The following SMCHD1 variants were observed in gnomAD, a reference collection of about 807,000 sequenced individuals.
The protein encoded by SMCHD1 is structural maintenance of chromosomes flexible hinge domain containing 1, also known as structural maintenance of chromosomes flexible hinge domain-containing protein 1.
SMCHD1 carries 78 observed loss-of-function variants against 254.7 expected under a neutral mutation model. The ratio of observed to expected loss-of-function variants is 0.31; its 90% confidence interval spans 0.26 to 0.37. The LOEUF is 0.37. Ranked by LOEUF, SMCHD1 falls within the 10% of genes least tolerant of loss-of-function variation. SMCHD1 has a pLI of 1.00. For synonymous variants in SMCHD1, 766 were observed against 794.9 expected (o/e 0.96, Z 0.61); for missense variants, 1,840 against 2,408.1 (o/e 0.76, Z 4.94).
chr18:2,655,936 G>C lies in SMCHD1; in HGVS notation c.-140G>C, dbSNP rs1298905195. The C allele has an allele frequency of 1.8e-6, 1 of 571,344 alleles. No individual in the cohort carries two copies. The highest frequency in any genetic ancestry group is 9.1e-5 in the South Asian group (1 of 10,960). 35.4% of individuals were successfully genotyped at this position (571,344 alleles called of 1,614,324 possible). A position where few individuals can be genotyped will look rare whatever the true frequency, so the allele number is the denominator to read the frequency against. On this transcript the variant is annotated 5_prime_UTR_variant, in exon 1 of 48. Coordinates refer to ENST00000320876, the MANE Select transcript of SMCHD1 (RefSeq NM_015295.3). ...CGCCTGCCGCTGCTCGGCCGCCGCCGCTGACGAGGAGCTGCAGCGCGCCGG... is the reference window on the plus strand; with the variant it reads ...CGCCTGCCGCTGCTCGGCCGCCGCCCCTGACGAGGAGCTGCAGCGCGCCGG...
chr18:2,714,871 T>C (rs1226809716), intron 17 of SMCHD1, among the ~76,000 whole-genome samples: 2 of 152,078 alleles, frequency 1.3e-5, no homozygotes, highest in African/African-American at 2.4e-5. Flanking sequence ...CCCAGCACTT[T>C]GAAAACAGAA....
chr18:2,783,849 G>A (rs2076197377), intron 44 of SMCHD1, among the ~76,000 whole-genome samples: 1 of 152,130 alleles, frequency 6.6e-6, no homozygotes, highest in African/African-American at 2.4e-5. Flanking sequence ...GGGATTACAG[G>A]TGTGAGCCAC....
At chr18:2,710,905 C>G (rs1242253271) in intron 17 of SMCHD1, among the ~76,000 whole-genome samples, 1 of 150,650 alleles carries the variant, frequency 6.6e-6, no homozygotes, top group East Asian at 2.0e-4. Flanking sequence ...AATGTTTTCT[C>G]TGCATCAGTC....
intron 45 of SMCHD1, among the ~76,000 whole-genome samples, chr18:2,792,753 T>C (rs2076188565): frequency 6.6e-6 from 1 of 152,238 alleles, no homozygotes; most frequent in African/African-American, 2.4e-5. Context: ...TATGATGGTT[T>C]TTTAAATAAA....
chr18:2,690,612 C>T (rs2074153140), intron 7 of SMCHD1, among the ~76,000 whole-genome samples: 1 of 151,602 alleles, frequency 6.6e-6, no homozygotes, highest in South Asian at 2.1e-4. Context: ...GCTGGGATTA[C>T]AGGCACATGC....
chr18:2,710,442 G>A (rs2074641044), intron 17 of SMCHD1, among the ~76,000 whole-genome samples: 1 of 152,166 alleles, frequency 6.6e-6, no homozygotes, highest in Admixed American at 6.5e-5. Context: ...TGCGATCCTG[G>A]TAGGGATTAC....
chr18:2,766,473 A>G (rs1410565576), intron 37 of SMCHD1, among the ~76,000 whole-genome samples: 1 of 152,250 alleles, frequency 6.6e-6, no homozygotes, highest in Non-Finnish European at 1.5e-5. Context: ...CACTGAATCA[A>G]TAGAAAACTC....
intron 25 of SMCHD1, among the ~76,000 whole-genome samples, chr18:2,736,808 A>G (rs1239360295): frequency 6.6e-6 from 1 of 152,222 alleles, no homozygotes; most frequent in African/African-American, 2.4e-5. Flanking sequence ...GTTGGACTGT[A>G]AATTAGTTCA....
intron 37 of SMCHD1, among the ~76,000 whole-genome samples, chr18:2,764,305 A>G (rs956995501): frequency 6.6e-6 from 1 of 152,184 alleles, no homozygotes; most frequent in Non-Finnish European, 1.5e-5. Context: ...CTGCCTGCAT[A>G]CCATGTGTGT....
chr18:2,708,888 A>ATC, intron 17 of SMCHD1, among the ~76,000 whole-genome samples: 1 of 74,022 alleles, frequency 1.4e-5, no homozygotes, highest in African/African-American at 6.6e-5. Flanking sequence ...ATATATATAT[A>ATC]TATATATATA....
At chr18:2,692,136 A>T (rs2074193524) in intron 7 of SMCHD1, among the ~76,000 whole-genome samples, 1 of 152,246 alleles carries the variant, frequency 6.6e-6, no homozygotes, top group Admixed American at 6.5e-5. Flanking sequence ...AGAGTACAGT[A>T]AAAGGTGGTA....
intron 25 of SMCHD1, among the ~76,000 whole-genome samples, chr18:2,732,758 C>G (rs775047160): frequency 1.3e-5 from 2 of 152,150 alleles, no homozygotes; most frequent in Non-Finnish European, 2.9e-5. Context: ...TTGTGCTCTT[C>G]CTGACTAGCT....
chr18:2,791,865 T>C (rs1378994677), intron 45 of SMCHD1, among the ~76,000 whole-genome samples: 1 of 152,146 alleles, frequency 6.6e-6, no homozygotes. Flanking sequence ...GCAGTAGGTC[T>C]CCCTTCAGTA....
chr18:2,706,220 G>T, intron 14 of SMCHD1, 144 bp from the exon 15 acceptor site: 1 of 528,170 alleles, frequency 1.9e-6, no homozygotes, highest in Non-Finnish European at 3.3e-6. Flanking sequence ...AAACATTGTG[G>T]TGTAACGTAA....
chr18:2,661,143 A>C (rs946763627), intron 1 of SMCHD1, among the ~76,000 whole-genome samples: 1 of 152,200 alleles, frequency 6.6e-6, no homozygotes. Context: ...ACACATGAAC[A>C]TAGGGCGGGG....
chr18:2,763,657 T>C lies in SMCHD1; in HGVS notation c.4587T>C (p.Thr1529=). ...TTAAGGATGACTACGACAACCATAC[T>C]GGAATTGATTTGGTTGGCACTATAA... ...LSITDDYDNH[T]GIDLVGTIIA... Residue 1529 remains threonine, a synonymous_variant, in exon 37 of 48, where the codon ACT becomes ACC. Transcript: ENST00000320876. The C allele has an allele frequency of 6.3e-7, 1 of 1,578,446 alleles. No individual in the cohort carries two copies. Among genetic ancestry groups the C allele is most frequent in the Non-Finnish European group, 8.6e-7 (1 of 1,167,900 alleles).
chr18:2,724,982 C>T lies in SMCHD1; in HGVS notation c.2687C>T (p.Ser896Phe), dbSNP rs1169524212. Residue 896 changes from serine (S) to phenylalanine (F), a missense_variant, in exon 21 of 48, where the codon TCT becomes TTT. Ser to Phe is a radical substitution (Grantham distance 155). Coordinates refer to ENST00000320876, the MANE Select transcript of SMCHD1 (RefSeq NM_015295.3). Reference protein sequence around the residue: ...RGVTAKGPVNSCQGKNYNLKV... With the variant: ...RGVTAKGPVNFCQGKNYNLKV... ...GTTACAGCCAAGGGCCCTGTAAACT[C>T]TTGTCAAGGCAAGGTAAGCATTATG... 1 of 1,576,108 alleles carries T rather than the reference C, an allele frequency of 6.3e-7. No individual in the cohort carries two copies. The highest frequency in any genetic ancestry group is 1.3e-5 in the African/African-American group (1 of 74,504).
At chr18:2,747,881 T>C (rs947650379) in intron 30 of SMCHD1, among the ~76,000 whole-genome samples, 1 of 152,192 alleles carries the variant, frequency 6.6e-6, no homozygotes, top group African/African-American at 2.4e-5. Flanking sequence ...TGTTTTAGTG[T>C]TTCTTATATA....
intron 34 of SMCHD1, among the ~76,000 whole-genome samples, chr18:2,755,565 C>CTTTTTTTTTTTTTTTT (rs11413061): frequency 5.5e-5 from 6 of 108,142 alleles, no homozygotes; most frequent in Admixed American, 9.7e-5. Flanking sequence ...TTCTTTCTTT[C>CTTTTTTTTTTTTTTTT]TTTTTTTTTT....
Sources: allele counts gnomAD v4.1 joint callset (sites outside exome capture counted in the v4.1 genomes callset), GRCh38; gene constraint gnomAD v4.1.1; transcripts MANE v1.5; gene names NCBI Gene and HGNC (gene_info 2026-07-23, HGNC 2026-07-21).